MSI2: variants seen among roughly 807,000 people sequenced by gnomAD.
The protein encoded by MSI2 is RNA-binding protein Musashi homolog 2.
MSI2 carries 17 observed loss-of-function variants against 45.6 expected under a neutral mutation model. The ratio of observed to expected loss-of-function variants is 0.37; its 90% CI spans 0.26 to 0.56. The LOEUF (loss-of-function observed/expected upper bound fraction) is 0.56. MSI2 is among the 20% of genes least tolerant of loss of function. The pLI, the probability that MSI2 is intolerant of heterozygous loss-of-function variation, is 0.77. For synonymous variants in MSI2, 156 were observed against 158.2 expected, an observed-to-expected ratio of 0.99 and a Z score of 0.11; for missense variants, 293 against 444.2, an observed-to-expected ratio of 0.66 and a Z score of 3.06.
chr17:57,404,667 C>T lies in MSI2; in HGVS notation c.405+3196C>T, dbSNP rs138033731. ...CTCCTCTCCCTCATCCCATCCTGCC[C>T]GAGGTGGCAGCTTCTCCAACTGTTT... On this transcript the variant is annotated intron_variant, in intron 6 of 13. Coordinates refer to ENST00000284073, the MANE Select transcript of MSI2 (RefSeq NM_138962.4). 1.5e-3 allele frequency among the ~76,000 whole-genome samples: 222 copies of T among 152,210 alleles called. 2 individuals are homozygous for T. The highest frequency in any genetic ancestry group is 1.4e-3 in the Non-Finnish European group (97 of 68,022).
intron 6 of MSI2, among the ~76,000 whole-genome samples, chr17:57,414,116 GAA>G (rs2084248804): frequency 1.3e-5 from 2 of 149,910 alleles, no homozygotes; most frequent in African/African-American, 5.1e-5. Context: ...ATCAAGGAAA[GAA>G]ACCAGGAGCT....
chr17:57,485,538 G>A (rs1032394996), intron 6 of MSI2, among the ~76,000 whole-genome samples: 7 of 152,178 alleles, frequency 4.6e-5, no homozygotes, highest in African/African-American at 1.2e-4. Context: ...TCTTCCTTGC[G>A]AAACATGGAG....
chr17:57,405,248 C>G (rs2143133719), intron 6 of MSI2, among the ~76,000 whole-genome samples: 1 of 152,304 alleles, frequency 6.6e-6, no homozygotes, highest in South Asian at 2.1e-4. Flanking sequence ...GCTTTGCAAT[C>G]CATGTAGTCC....
chr17:57,532,416 A>G (rs1262078849), intron 7 of MSI2: 1 of 152,202 alleles, frequency 6.6e-6, no homozygotes, highest in East Asian at 1.9e-4. Context: ...AGCGGCCCAT[A>G]CACACGTTCC....
intron 5 of MSI2, among the ~76,000 whole-genome samples, chr17:57,286,989 G>A (rs1909950043): frequency 6.6e-6 from 1 of 152,068 alleles, no homozygotes; most frequent in Non-Finnish European, 1.5e-5. Flanking sequence ...AGGCTGGCCT[G>A]GAGGCAACTG....
At chr17:57,617,578 A>T (rs1224602659) in intron 9 of MSI2, among the ~76,000 whole-genome samples, 1 of 152,188 alleles carries the variant, frequency 6.6e-6, no homozygotes, top group African/African-American at 2.4e-5. Context: ...AATAATTTTT[A>T]TTAGGTCTTT....
downstream of MSI2, among the ~76,000 whole-genome samples, chr17:57,689,189 A>G (rs1180633737): frequency 1.9e-5 from 1 of 52,384 alleles, no homozygotes; most frequent in Admixed American, 2.1e-4. Context: ...CTTTTTTTTT[A>G]ATTGTACTTT....
chr17:57,684,757 G>A (rs932301736), downstream of MSI2: 1 of 152,274 alleles, frequency 6.6e-6, no homozygotes, highest in Non-Finnish European at 1.5e-5. Flanking sequence ...TTGCTTGGGC[G>A]GGAGAGGATA....
chr17:57,482,204 G>T (rs2085661231), intron 6 of MSI2, among the ~76,000 whole-genome samples: 1 of 152,192 alleles, frequency 6.6e-6, no homozygotes, highest in African/African-American at 2.4e-5. Flanking sequence ...GCCATCTCAG[G>T]GTTTGAGTCA....
chr17:57,290,603 G>C (rs1910321564), intron 5 of MSI2, among the ~76,000 whole-genome samples: 1 of 152,198 alleles, frequency 6.6e-6, no homozygotes, highest in African/African-American at 2.4e-5. Context: ...GTGAACTACT[G>C]TCCCTGGCCT....
intron 5 of MSI2, among the ~76,000 whole-genome samples, chr17:57,398,959 G>A (rs573132407): frequency 6.6e-6 from 1 of 152,136 alleles, no homozygotes; most frequent in South Asian, 2.1e-4. Flanking sequence ...GTAAGCTCCA[G>A]CACCTCGCAC....
chr17:57,286,546 A>G (rs1025386362), intron 5 of MSI2, among the ~76,000 whole-genome samples: 1 of 150,502 alleles, frequency 6.6e-6, no homozygotes, highest in Non-Finnish European at 1.5e-5. Context: ...GTAACCAATA[A>G]AAGAGTTTGG....
At chr17:57,363,133 GGATA>G (rs1340032754) in intron 5 of MSI2, among the ~76,000 whole-genome samples, 1 of 152,168 alleles carries the variant, frequency 6.6e-6, no homozygotes, top group African/African-American at 2.4e-5. Context: ...ATACACGAAT[GGATA>G]AACAAAATGT....
Position 57,596,077 on chromosome 17 carries a change from G to A in MSI2, c.455-791G>A, listed in dbSNP as rs1308825576. On this transcript the variant is annotated intron_variant, in intron 7 of 13. Transcript: ENST00000284073. The surrounding 1 kb of genome is among the most constrained non-coding windows in gnomAD (Gnocchi z 4.6). ...CATGTGGTAAAGCAGCACTTACTGAGTGGGGTCACAGATGGGGCCACATGC... is the reference window on the plus strand; with the variant it reads ...CATGTGGTAAAGCAGCACTTACTGAATGGGGTCACAGATGGGGCCACATGC... Among the ~76,000 whole-genome samples, 2 of 152,210 alleles carry A rather than the reference G, an allele frequency of 1.3e-5. No homozygotes were observed. The highest frequency in any genetic ancestry group is 2.4e-5 in the African/African-American group (1 of 41,464).
intron 8 of MSI2, among the ~76,000 whole-genome samples, chr17:57,598,575 C>T (rs1905498266): frequency 1.3e-5 from 2 of 152,166 alleles, no homozygotes; most frequent in Admixed American, 1.3e-4. Context: ...GACAGAATAA[C>T]ACAGGTCCCC....
At chr17:57,662,429 G>A (rs781262262) in intron 11 of MSI2, among the ~76,000 whole-genome samples, 4 of 152,200 alleles carry the variant, frequency 2.6e-5, no homozygotes, top group Non-Finnish European at 4.4e-5. Context: ...CAAGTACCAT[G>A]TCAAGCCCAC....
intron 13 of MSI2, 25 bp downstream of exon 13, chr17:57,677,084 T>C: frequency 6.4e-7 from 1 of 1,556,844 alleles, no homozygotes; most frequent in Non-Finnish European, 8.9e-7. Flanking sequence ...GCCATGTGTC[T>C]CTGCCCTGCC....
At chr17:57,575,147 T>TCCCCCCCCCCACCCC (rs371180511) in intron 7 of MSI2, among the ~76,000 whole-genome samples, 1 of 119,544 alleles carries the variant, frequency 8.4e-6, no homozygotes, top group African/African-American at 3.6e-5. Flanking sequence ...CTTTTTTAAC[T>TCCCCCCCCCCACCCC]CCCTCCCCCC....
At chr17:57,436,799 T>C (rs2084699106) in intron 6 of MSI2, among the ~76,000 whole-genome samples, 1 of 152,118 alleles carries the variant, frequency 6.6e-6, no homozygotes, top group African/African-American at 2.4e-5. Flanking sequence ...GAGGAGAGCA[T>C]CTAGTTCTGC....
Sources: allele counts gnomAD v4.1 joint callset (sites outside exome capture counted in the v4.1 genomes callset), GRCh38; gene constraint gnomAD v4.1.1; non-coding constraint Gnocchi (gnomAD v3.1); transcripts MANE v1.5; gene names NCBI Gene and HGNC (gene_info 2026-07-23, HGNC 2026-07-21).